SHOX2: variants seen among roughly 807,000 people sequenced by gnomAD.
SHOX2 encodes short stature homeobox protein 2.
In SHOX2, 13 loss-of-function variants were observed where a neutral mutation model predicts 31.3. That is an observed-to-expected ratio of 0.42 (90% confidence interval 0.27 to 0.66). The LOEUF (loss-of-function observed/expected upper bound fraction) is 0.66, where lower values mean the gene tolerates loss of function less well. Among genes scored for constraint, SHOX2 ranks in the 30% least tolerant of loss-of-function variants. SHOX2 has a pLI of 0.27. For synonymous variants in SHOX2, 244 were observed against 196.2 expected (o/e 1.24, Z -2.04); for missense variants, 473 against 443.0 (o/e 1.07, Z -0.61).
Position 158,105,987 on chromosome 3 carries a change from T to C in SHOX2, c.38A>G (p.Asp13Gly). ...ELTAFVSKSFDQKVKEKKEAI... is the reference protein window; with the variant it reads ...ELTAFVSKSFGQKVKEKKEAI... ...CTCCTTCTTCTCCTTCACTTTCTGG[T>C]CAAAAGACTTGGAGACGAACGCCGT... The change falls in exon 1 of 5, where the codon GAC (aspartate) becomes GGC (glycine). Residue 13 changes from aspartate (D) to glycine (G), a missense_variant. Asp to Gly is a moderately conservative substitution (Grantham distance 94). Coordinates refer to ENST00000483851, the MANE Select transcript of SHOX2 (RefSeq NM_001163678.2). The C allele has an allele frequency of 1.9e-6, 3 of 1,613,114 alleles. No individual in the cohort carries two copies. The African/African-American group carries it at 4.0e-5, about 22-fold the overall frequency.
In SHOX2 at chr3:158,100,284, A is replaced by C; in HGVS notation, c.583T>G (p.Cys195Gly). Residue 195 changes from cysteine (C) to glycine (G), a missense_variant, in exon 3 of 5, where the codon TGT becomes GGT. Cys to Gly is a radical substitution (Grantham distance 159). Coordinates refer to ENST00000483851, the MANE Select transcript of SHOX2 (RefSeq NM_001163678.2). The stretch of plus-strand genomic sequence containing the variant: ...TGGAGTTGATTTTCTTGTTTTCTAC[A>C]TTTAGCTCTTCGATTTTGAAACCAA... ...QVWFQNRRAK[C>G]RKQENQLHKG... is the part of the protein sequence containing the mutation. 6.2e-7 allele frequency: 1 copy of C among 1,603,890 alleles called. No homozygotes were observed. Among genetic ancestry groups the C allele is most frequent in the Non-Finnish European group, 8.5e-7 (1 of 1,177,292 alleles).
intron 2 of SHOX2, among the ~76,000 whole-genome samples, chr3:158,102,450 C>T (rs1036455784): frequency 2.0e-5 from 3 of 148,868 alleles, no homozygotes; most frequent in African/African-American, 7.5e-5. Flanking sequence ...CCCAGCACAG[C>T]TTTCTTCTTC....
At chr3:158,101,194 A>G (rs1352804594) in intron 2 of SHOX2, among the ~76,000 whole-genome samples, 1 of 152,234 alleles carries the variant, frequency 6.6e-6, no homozygotes, top group African/African-American at 2.4e-5. Flanking sequence ...TGACTCACAA[A>G]TTAAAGTTTT....
Position 158,098,046 on chromosome 3 carries a change from G to A in SHOX2, c.941C>T (p.Ala314Val), listed in dbSNP as rs894140767. 1.9e-6 allele frequency: 3 copies of A among 1,605,776 alleles called. No homozygotes were observed. Among genetic ancestry groups the A allele is most frequent in the Non-Finnish European group, 2.6e-6 (3 of 1,174,698 alleles). The change falls in exon 5 of 5, where the codon GCC becomes GTC. Residue 314 changes from alanine (A) to valine (V), a missense_variant. Around this residue, in one of 3 missense-constraint regions of SHOX2, gnomAD observed 182 missense variants for 167.2 expected, o/e 1.09. Transcript: ENST00000483851. ...TTGGCGTCACAGACCCAGGGCTGCG[G>A]CGTGCTTTTTGGCTTTCAGTCTGAG... Reference protein sequence around the residue: ...ADLRLKAKKHAAALGL With the variant: ...ADLRLKAKKHVAALGL
rs1713575562 is a variant in SHOX2 at position 158,102,671 on chromosome 3, T to C, written c.555+7A>G. The C allele has an allele frequency of 6.2e-7, 1 of 1,613,700 alleles. No homozygotes were observed. Among genetic ancestry groups the C allele is most frequent in the Non-Finnish European group, 8.5e-7 (1 of 1,179,856 alleles). ...CCTGGGCCCTCGACCTCCTGGCAGC[T>C]GGGTACCTGCACTCGGGCCTCCGAC... On this transcript the variant is annotated splice_region_variant and intron_variant, in intron 2 of 4. Transcript: ENST00000483851.
Position 158,098,165 on chromosome 3 carries a change from G to T in SHOX2, c.822C>A (p.Leu274=), listed in dbSNP as rs146212890. Reference sequence around the variant, plus strand: ...AAGCCGAATCCGCGGCCAGCGTGGCGAGCGGCAGTCCGAAGGGCGGTGCTG... The same window carrying T: ...AAGCCGAATCCGCGGCCAGCGTGGCTAGCGGCAGTCCGAAGGGCGGTGCTG... ...MFPAPPFGLP[L]ATLAADSASA... Residue 274 remains leucine, a synonymous_variant, in exon 5 of 5, where the codon CTC becomes CTA. Coordinates refer to ENST00000483851, the MANE Select transcript of SHOX2 (RefSeq NM_001163678.2). 13 of 1,613,360 alleles carry T rather than the reference G, an allele frequency of 8.1e-6. No individual in the cohort carries two copies. Among genetic ancestry groups the T allele is most frequent in the African/African-American group, 2.7e-5 (2 of 74,906 alleles).
rs552536554 is a variant in SHOX2, at chr3:158,106,109, C to A, written c.-85G>T. ...CTTCTTCTTTTTTTACTGCTCCAGC[C>A]CCCCCAATAATAACACATCAATGGG... On this transcript the variant is annotated 5_prime_UTR_variant, in exon 1 of 5. Transcript: ENST00000483851. The A allele has an allele frequency of 7.0e-6, 11 of 1,579,596 alleles. No homozygotes were observed. The highest frequency in any genetic ancestry group is 5.3e-5 in the Admixed American group (3 of 56,438).
intron 1 of SHOX2, chr3:158,105,205 C>T: frequency 1.1e-6 from 1 of 881,300 alleles, no homozygotes; most frequent in Non-Finnish European, 1.9e-6. Flanking sequence ...GGGGTCTTGG[C>T]GGCCCCAAAC....
Position 158,106,338 on chromosome 3 carries a change from A to C in SHOX2, c.-314T>G. On this transcript the variant is annotated 5_prime_UTR_variant, in exon 1 of 5. Coordinates refer to ENST00000483851, the MANE Select transcript of SHOX2 (RefSeq NM_001163678.2). Reference sequence around the variant, plus strand: ...CGGGGGCTGCCGGAGGGAAATGGGAACTGATGCTTCCCTGCCGGAGCGCGC... The same window carrying C: ...CGGGGGCTGCCGGAGGGAAATGGGACCTGATGCTTCCCTGCCGGAGCGCGC... 4.9e-6 allele frequency: 2 copies of C among 407,692 alleles called. No homozygotes were observed. The highest frequency in any genetic ancestry group is 8.8e-6 in the Non-Finnish European group (2 of 226,734). The allele number at this position is 407,692 out of a possible 1,614,324, so 25.3% of individuals were successfully genotyped here. A position where few individuals can be genotyped will look rare whatever the true frequency, so the allele number is the denominator to read the frequency against.
chr3:158,097,859 G>A lies in SHOX2; in HGVS notation c.*168C>T. The A allele has an allele frequency of 1.1e-6, 1 of 879,408 alleles. No individual in the cohort carries two copies. The highest frequency in any genetic ancestry group is 1.8e-6 in the Non-Finnish European group (1 of 569,798). The allele number at this position is 879,408 out of a possible 1,614,324, so 54.5% of individuals were successfully genotyped here. ...CGTGAGATCCCTGGTCCTGCGTGGA[G>A]TCTGGCTTTCCGAGTCCAAGATGCG... On this transcript the variant is annotated 3_prime_UTR_variant, in exon 5 of 5. Transcript: ENST00000483851.
intron 1 of SHOX2, chr3:158,105,259 TC>T (rs1713813238): frequency 1.6e-6 from 1 of 644,216 alleles, no homozygotes; most frequent in Non-Finnish European, 2.8e-6. Context: ...CTGCCCCTTC[TC>T]CCTCCCGGCA....
At position 158,097,733 on chromosome 3, in the gene SHOX2, TG is replaced by T. The variant is rs1713209721; in HGVS notation, c.*293del. ...AAACTCCGCGGTTCCAGCACTCCCC[TG>T]TCCAGTCTCTCTCCAGACTCCCCCA... On this transcript the variant is annotated 3_prime_UTR_variant, in exon 5 of 5. Transcript: ENST00000483851. The T allele has an allele frequency of 7.3e-6, 3 of 410,710 alleles. No individual in the cohort carries two copies. The highest frequency in any genetic ancestry group is 1.3e-5 in the Non-Finnish European group (3 of 228,594). 25.4% of individuals were successfully genotyped at this position (410,710 alleles called of 1,614,324 possible). A position where few individuals can be genotyped will look rare whatever the true frequency, so the allele number is the denominator to read the frequency against.
intron 2 of SHOX2, among the ~76,000 whole-genome samples, chr3:158,102,029 T>C (rs914340531): frequency 1.3e-5 from 2 of 152,238 alleles, no homozygotes; most frequent in African/African-American, 4.8e-5. Context: ...TGGTTTGTTT[T>C]AAAATCTAAT....
At chr3:158,105,624 A>G in intron 1 of SHOX2, 55 bp downstream of exon 1, 1 of 1,458,750 alleles carries the variant, frequency 6.9e-7, no homozygotes, top group Non-Finnish European at 9.1e-7. Context: ...CCCGCCCGAG[A>G]GGAGTCCGGA....
chr3:158,098,183 C>T lies in SHOX2; in HGVS notation c.804G>A (p.Pro268=), dbSNP rs1195731257. 2 of 1,613,538 alleles carry T rather than the reference C, an allele frequency of 1.2e-6. No individual in the cohort carries two copies. The highest frequency in any genetic ancestry group is 3.3e-5 in the Admixed American group (2 of 59,976). The part of the protein sequence containing the change: ...AHAPYMMFPA[P]PFGLPLATLA... ...GCGTGGCGAGCGGCAGTCCGAAGGG[C>T]GGTGCTGGGAACATCATGTAGGGCG... The change falls in exon 5 of 5, where the codon CCG becomes CCA. Residue 268 remains proline (P), a synonymous_variant. Transcript: ENST00000483851.
rs1291400776 is a variant in SHOX2 at position 158,102,716 on chromosome 3, G to A, written c.517C>T (p.Leu173=). 1.9e-6 allele frequency: 3 copies of A among 1,614,018 alleles called. No individual in the cohort carries two copies. The highest frequency in any genetic ancestry group is 2.5e-6 in the Non-Finnish European group (3 of 1,180,048). Residue 173 remains leucine (L), a synonymous_variant, in exon 2 of 5, where the codon CTG becomes TTG. Coordinates refer to ENST00000483851, the MANE Select transcript of SHOX2 (RefSeq NM_001163678.2). The stretch of plus-strand genomic sequence containing the variant: ...TCCGACAGGCCCAGTCGCTGGCTCA[G>A]TTCCTCTCGCATGAAGGCGTCGGGA... The part of the protein sequence containing the change: ...HYPDAFMREE[L]SQRLGLSEAR...
Position 158,106,315 on chromosome 3 carries a change from G to A in SHOX2, c.-291C>T. 2.2e-6 allele frequency: 1 copy of A among 454,840 alleles called. No homozygotes were observed. Among genetic ancestry groups the A allele is most frequent in the South Asian group, 2.4e-5 (1 of 41,628 alleles). The allele number at this position is 454,840 out of a possible 1,614,324, so 28.2% of individuals were successfully genotyped here. ...GAGGAGGAGGAGAAGAGAAGGGGCG[G>A]GGGCTGCCGGAGGGAAATGGGAACT... is the stretch of plus-strand genomic sequence containing the variant. On this transcript the variant is annotated 5_prime_UTR_variant, in exon 1 of 5. Coordinates refer to ENST00000483851, the MANE Select transcript of SHOX2 (RefSeq NM_001163678.2).
At position 158,097,832 on chromosome 3, in the gene SHOX2, C is replaced by T. The variant is rs1423498359; in HGVS notation, c.*195G>A. ...GGCAGGAGCCACGGAGCCTGCGTGC[C>T]TCGTGAGATCCCTGGTCCTGCGTGG... On this transcript the variant is annotated 3_prime_UTR_variant, in exon 5 of 5. Coordinates refer to ENST00000483851, the MANE Select transcript of SHOX2 (RefSeq NM_001163678.2). 2.7e-6 allele frequency: 2 copies of T among 731,352 alleles called. No homozygotes were observed. Among genetic ancestry groups the T allele is most frequent in the East Asian group, 5.2e-5 (2 of 38,250 alleles). The allele number at this position is 731,352 out of a possible 1,614,324, so 45.3% of individuals were successfully genotyped here. A position where few individuals can be genotyped will look rare whatever the true frequency, so the allele number is the denominator to read the frequency against.
In SHOX2 at chr3:158,098,110, C is replaced by G; in HGVS notation, c.877G>C (p.Ala293Pro). 2 of 1,611,868 alleles carry G rather than the reference C, an allele frequency of 1.2e-6. No homozygotes were observed. The highest frequency in any genetic ancestry group is 1.7e-6 in the Non-Finnish European group (2 of 1,179,292). Reference sequence around the variant, plus strand: ...GAGTTCTTGCTGGTGGTCTTGGCGGCTGCTGCGGCCGCCACTACCGAGGCG... The same window carrying G: ...GAGTTCTTGCTGGTGGTCTTGGCGGGTGCTGCGGCCGCCACTACCGAGGCG... ...SAASVVAAAA[A>P]AKTTSKNSSI... is the part of the protein sequence containing the mutation. Residue 293 changes from alanine (A) to proline (P), a missense_variant, in exon 5 of 5, where the codon GCC (alanine) becomes CCC (proline). Transcript: ENST00000483851.
Sources: allele counts gnomAD v4.1 joint callset (sites outside exome capture counted in the v4.1 genomes callset), GRCh38; gene constraint gnomAD v4.1.1; regional missense constraint gnomAD v4.1.1; transcripts MANE v1.5; gene names NCBI Gene and HGNC (gene_info 2026-07-23, HGNC 2026-07-21).